The following MINK1 variants were observed in gnomAD, a reference collection of about 807,000 sequenced individuals.
MINK1 encodes misshapen like kinase 1.
In MINK1, 46 loss-of-function variants were observed where a neutral mutation model predicts 178.4. The ratio of observed to expected loss-of-function variants is 0.26; its 90% CI spans 0.20 to 0.33. MINK1 has a LOEUF of 0.33. MINK1 is among the 10% of genes least tolerant of loss of function. The probability of loss-of-function intolerance (pLI) is 1.00; values close to 1 mark genes in which losing one functional copy is unlikely to be tolerated. For missense variants in MINK1, 1,366 were observed against 1,814.9 expected (o/e 0.75, Z 4.49); for synonymous variants, 797 against 709.7 (o/e 1.12, Z -1.96).
intron 17 of MINK1, 64 bp from the exon 18 acceptor site, chr17:4,892,337 GC>G: frequency 6.8e-7 from 1 of 1,463,938 alleles, no homozygotes; most frequent in Non-Finnish European, 9.3e-7. Context: ...GGGTGGGAAA[GC>G]CCCAGCCCCA....
intron 1 of MINK1, chr17:4,854,767 A>G (rs1422917440): frequency 1.6e-5 from 8 of 495,132 alleles, no homozygotes; most frequent in South Asian, 1.2e-4. Flanking sequence ...CCATCGATAG[A>G]CAGAGGACAA....
chr17:4,882,530 T>C (rs146819785), intron 4 of MINK1, among the ~76,000 whole-genome samples: 1,836 of 152,330 alleles, frequency 0.012, 22 homozygotes, highest in Non-Finnish European at 0.017. Flanking sequence ...TTTATGTCTC[T>C]AGCAGACCTA....
chr17:4,873,650 A>C (rs1320142521), intron 1 of MINK1, among the ~76,000 whole-genome samples: 1 of 115,298 alleles, frequency 8.7e-6, no homozygotes, highest in Non-Finnish European at 1.7e-5. Context: ...AAGGCGTCTC[A>C]CTCTTTCACC....
Position 4,895,316 on chromosome 17 carries a change from G to T in MINK1, c.3086-34G>T, listed in dbSNP as rs1332423517. ...CTCCTGGTTAGGTGAGGGCCTGGCT[G>T]AGCCTCTGACCTGCCCAAGGGCTCC... On this transcript the variant is annotated intron_variant, in intron 25 of 31. Coordinates refer to ENST00000355280, the MANE Select transcript of MINK1 (RefSeq NM_153827.5). The surrounding 1 kb of genome is among the most constrained non-coding windows in gnomAD (Gnocchi z 4.3). The T allele has an allele frequency of 1.2e-6, 2 of 1,604,734 alleles. No homozygotes were observed. The highest frequency in any genetic ancestry group is 1.7e-6 in the Non-Finnish European group (2 of 1,174,032).
At position 4,867,138 on chromosome 17, in the gene MINK1, G is replaced by GTT. The variant is rs759995957; in HGVS notation, c.58-11153_58-11152dup. On this transcript the variant is annotated intron_variant, in intron 1 of 31. Transcript: ENST00000355280. ...CACTATAGTAGGTGCTCTTAGGACT[G>GTT]TTTTTTTTTTTTTTTTTTTTTTTTT... 3.6e-3 allele frequency among the ~76,000 whole-genome samples: 232 copies of GTT among 64,904 alleles called. 21 individuals carry two copies. The highest frequency in any genetic ancestry group is 0.014 in the African/African-American group (215 of 15,394). 42.6% of individuals were successfully genotyped at this position (64,904 alleles called of 152,430 possible). A position where few individuals can be genotyped will look rare whatever the true frequency, so the allele number is the denominator to read the frequency against.
chr17:4,886,326 C>G lies in MINK1; in HGVS notation c.774-125C>G. The G allele has an allele frequency of 6.7e-7, 1 of 1,495,182 alleles. No individual in the cohort carries two copies. The highest frequency in any genetic ancestry group is 9.3e-7 in the Non-Finnish European group (1 of 1,077,098). The allele number at this position is 1,495,182 out of a possible 1,614,324, so 92.6% of individuals were successfully genotyped here. On this transcript the variant is annotated intron_variant, in intron 9 of 31. Transcript: ENST00000355280. This position sits in a 1 kb window ranked among gnomAD's most constrained non-coding sequence, Gnocchi z 6.1. ...GATTCTGGGGGGCAGAGGGCGGTGA[C>G]TGGTGTTGGGATATGAAGACAGGAG...
intron 1 of MINK1, among the ~76,000 whole-genome samples, chr17:4,855,631 G>T (rs1180060397): frequency 1.3e-5 from 2 of 150,974 alleles, no homozygotes; most frequent in Non-Finnish European, 2.9e-5. Context: ...TTAGCCGAGT[G>T]TGGTGGCAGG....
intron 1 of MINK1, among the ~76,000 whole-genome samples, chr17:4,869,529 G>A (rs923610728): frequency 3.3e-5 from 5 of 151,640 alleles, no homozygotes; most frequent in Admixed American, 6.6e-5. Flanking sequence ...CTCCTGCCTC[G>A]GCCTCCCAAA....
chr17:4,844,066 G>A (rs1910640978), intron 1 of MINK1, among the ~76,000 whole-genome samples: 3 of 152,000 alleles, frequency 2.0e-5, no homozygotes, highest in South Asian at 4.1e-4. Flanking sequence ...ACAGTGGTGC[G>A]ATCTAGGCTC....
intron 1 of MINK1, among the ~76,000 whole-genome samples, chr17:4,860,277 A>T (rs1335388484): frequency 6.6e-6 from 1 of 152,106 alleles, no homozygotes; most frequent in Non-Finnish European, 1.5e-5. Flanking sequence ...GGATTCCACC[A>T]TGAGTCCAGG....
At position 4,892,726 on chromosome 17, in the gene MINK1, C is replaced by T. The variant is rs1434256058; in HGVS notation, c.2269C>T (p.His757Tyr). ...SDSVLPASHG[H>Y]LPQAGSLERN... ...CAGCGTCCTTCCAGCCTCTCACGGGCACCTCCCCCAGGCTGGCTCACTGGA... is the reference window on the plus strand; with the variant it reads ...CAGCGTCCTTCCAGCCTCTCACGGGTACCTCCCCCAGGCTGGCTCACTGGA... The change falls in exon 19 of 32, where the codon CAC (histidine) becomes TAC (tyrosine). Residue 757 changes from histidine to tyrosine, a missense_variant. His to Tyr is a moderately conservative substitution (Grantham distance 83). Around this residue, in one of 14 missense-constraint regions of MINK1, gnomAD observed 709 missense variants for 692.3 expected, o/e 1.02. Coordinates refer to ENST00000355280, the MANE Select transcript of MINK1 (RefSeq NM_153827.5). The T allele has an allele frequency of 3.1e-6, 5 of 1,611,886 alleles. No homozygotes were observed. Among genetic ancestry groups the T allele is most frequent in the Non-Finnish European group, 4.2e-6 (5 of 1,179,534 alleles).
intron 1 of MINK1, among the ~76,000 whole-genome samples, chr17:4,839,665 T>C (rs187320998): frequency 1.2e-3 from 179 of 152,274 alleles, no homozygotes; most frequent in Non-Finnish European, 1.5e-3. Flanking sequence ...AGGAAGCTCT[T>C]CTAGGGGGTA....
At chr17:4,846,948 AAC>A (rs962347400) in intron 1 of MINK1, among the ~76,000 whole-genome samples, 14 of 152,292 alleles carry the variant, frequency 9.2e-5, no homozygotes, top group Admixed American at 2.0e-4. Context: ...CCCCACCAGA[AAC>A]AGAGATCTCG....
intron 1 of MINK1, among the ~76,000 whole-genome samples, chr17:4,874,421 G>T (rs1597485866): frequency 6.6e-6 from 1 of 152,214 alleles, no homozygotes; most frequent in Non-Finnish European, 1.5e-5. Context: ...AAGCATTGGG[G>T]AGCCCCACTA....
At chr17:4,880,911 CTG>C in intron 2 of MINK1, 71 bp from the exon 3 acceptor site, 1 of 1,377,592 alleles carries the variant, frequency 7.3e-7, no homozygotes, top group East Asian at 2.6e-5. Flanking sequence ...AAAAAAAAAG[CTG>C]TGTCTCCTAG....
In MINK1 at chr17:4,894,124, C is replaced by T; in HGVS notation, c.2670+31C>T. 1 of 1,608,576 alleles carries T rather than the reference C, an allele frequency of 6.2e-7. No homozygotes were observed. The highest frequency in any genetic ancestry group is 8.5e-7 in the Non-Finnish European group (1 of 1,176,676). On this transcript the variant is annotated intron_variant, in intron 22 of 31. Transcript: ENST00000355280. The surrounding 1 kb of genome is among the most constrained non-coding windows in gnomAD (Gnocchi z 4.1). ...TGAGCCTCTGCTCCCTCCCCTGTAC[C>T]TGTGTGTGCCCTCCTCAGCCCCACG...
intron 1 of MINK1, among the ~76,000 whole-genome samples, chr17:4,849,149 T>C (rs1911520646): frequency 6.6e-6 from 1 of 152,150 alleles, no homozygotes; most frequent in African/African-American, 2.4e-5. Context: ...TCCTACCATC[T>C]CCTGAAAGTC....
In MINK1 at chr17:4,891,266, T is replaced by G. The variant is rs1046767880; in HGVS notation, c.1740+142T>G. On this transcript the variant is annotated intron_variant, in intron 15 of 31. Transcript: ENST00000355280. The stretch of plus-strand genomic sequence containing the variant: ...CCAGGATTACAGAGCACAGGCTTTG[T>G]GGACAGACTCACTCACCTGCTTCTT... 4.3e-6 allele frequency: 5 copies of G among 1,167,298 alleles called. No individual in the cohort carries two copies. In the South Asian group the frequency reaches 8.2e-5, roughly 19 times the overall value. The allele number at this position is 1,167,298 out of a possible 1,614,324, so 72.3% of individuals were successfully genotyped here.
chr17:4,885,391 G>T lies in MINK1; in HGVS notation c.509-92G>T, dbSNP rs1017134693. 1.3e-6 allele frequency: 2 copies of T among 1,541,358 alleles called. No homozygotes were observed. The highest frequency in any genetic ancestry group is 1.8e-6 in the Non-Finnish European group (2 of 1,132,644). On this transcript the variant is annotated intron_variant, in intron 6 of 31. Coordinates refer to ENST00000355280, the MANE Select transcript of MINK1 (RefSeq NM_153827.5). The surrounding 1 kb of genome is among the most constrained non-coding windows in gnomAD (Gnocchi z 5.0). ...CTGGGTCGGGCCAGGACCACAGCTG[G>T]CTCAGGCAAGTCCTGTGTGTGCACG...
Sources: allele counts gnomAD v4.1 joint callset (sites outside exome capture counted in the v4.1 genomes callset), GRCh38; gene constraint gnomAD v4.1.1; regional missense constraint gnomAD v4.1.1; non-coding constraint Gnocchi (gnomAD v3.1); transcripts MANE v1.5; gene names NCBI Gene and HGNC (gene_info 2026-07-23, HGNC 2026-07-21).